The following SOX6 variants were observed in gnomAD, a reference collection of about 807,000 sequenced individuals.
SOX6 encodes SRY-box transcription factor 6, also known as transcription factor SOX-6.
Under a neutral mutation model 97.8 loss-of-function variants are expected in SOX6, and 11 were observed. That is an observed-to-expected ratio of 0.11 (90% CI 0.07 to 0.19). The LOEUF is 0.19. Among genes scored for constraint, SOX6 ranks in the 10% least tolerant of loss-of-function variants. The pLI is 1.00. For synonymous variants in SOX6, 360 were observed against 371.4 expected (o/e 0.97, Z 0.35); for missense variants, 810 against 1,039.5 (o/e 0.78, Z 3.04).
intron 14 of SOX6, among the ~76,000 whole-genome samples, chr11:15,987,941 T>C (rs1853919936): frequency 6.6e-6 from 1 of 152,194 alleles, no homozygotes; most frequent in African/African-American, 2.4e-5. Flanking sequence ...AAATTTTTCT[T>C]AGAGGTCACT....
chr11:16,641,562 A>G (rs11601816), intron 3 of SOX6, among the ~76,000 whole-genome samples: 47,345 of 151,344 alleles, frequency 0.31, 8,740 homozygotes, highest in Non-Finnish European at 0.42. Context: ...TAGGTCTCTA[A>G]GGACTTGCTT....
chr11:16,451,332 T>G (rs1859712466), intron 1 of SOX6, among the ~76,000 whole-genome samples: 1 of 152,114 alleles, frequency 6.6e-6, no homozygotes, highest in African/African-American at 2.4e-5. Flanking sequence ...GGATCAAGAC[T>G]CATGAAGTCA....
chr11:16,601,885 G>A (rs1205224069), intron 4 of SOX6, among the ~76,000 whole-genome samples: 1 of 152,230 alleles, frequency 6.6e-6, no homozygotes, highest in East Asian at 1.9e-4. Context: ...AGATTTGCCA[G>A]TTAGGTTAAC....
At chr11:16,022,143 C>T (rs1855077163) in intron 12 of SOX6, among the ~76,000 whole-genome samples, 1 of 151,936 alleles carries the variant, frequency 6.6e-6, no homozygotes, top group South Asian at 2.1e-4. Flanking sequence ...GAGTGCTTTG[C>T]AAAAAATACA....
chr11:16,634,820 AC>A (rs34078646), intron 3 of SOX6, among the ~76,000 whole-genome samples: 25,207 of 152,076 alleles, frequency 0.17, 2,734 homozygotes, highest in East Asian at 0.32. Context: ...CGTGGGAGGG[AC>A]CCAGTGAGGG....
chr11:16,542,430 T>G (rs1328224624), intron 4 of SOX6, among the ~76,000 whole-genome samples: 1 of 152,150 alleles, frequency 6.6e-6, no homozygotes, highest in Non-Finnish European at 1.5e-5. Context: ...AACCTGCACG[T>G]TATGCAGATG....
intron 1 of SOX6, among the ~76,000 whole-genome samples, chr11:16,461,919 T>G (rs1292573225): frequency 1.3e-5 from 2 of 152,302 alleles, no homozygotes; most frequent in Non-Finnish European, 1.5e-5. Flanking sequence ...AATAATTATG[T>G]CTAGACTCTA....
At chr11:16,287,298 T>TCA (rs371413164) in intron 3 of SOX6, among the ~76,000 whole-genome samples, 48 of 123,518 alleles carry the variant, frequency 3.9e-4, no homozygotes, top group African/African-American at 1.4e-3. Context: ...TCTCTCTCTC[T>TCA]CACACACACA....
chr11:16,402,402 T>G (rs1293790675), intron 1 of SOX6, among the ~76,000 whole-genome samples: 1 of 151,644 alleles, frequency 6.6e-6, no homozygotes, highest in African/African-American at 2.4e-5. Flanking sequence ...AGAACACCAA[T>G]AACGTGAGAA....
chr11:16,639,633 C>G (rs1848860065), intron 3 of SOX6, among the ~76,000 whole-genome samples: 1 of 152,100 alleles, frequency 6.6e-6, no homozygotes, highest in Non-Finnish European at 1.5e-5. Flanking sequence ...TCCTTCACAT[C>G]CGTTTTAAGT....
intron 2 of SOX6, among the ~76,000 whole-genome samples, chr11:16,337,372 A>T (rs1275367264): frequency 6.6e-6 from 1 of 152,150 alleles, no homozygotes; most frequent in Non-Finnish European, 1.5e-5. Context: ...AATCTAGCAG[A>T]TAATTATTAC....
intron 4 of SOX6, among the ~76,000 whole-genome samples, chr11:16,511,867 T>A (rs1385236761): frequency 6.6e-6 from 1 of 152,120 alleles, no homozygotes; most frequent in Non-Finnish European, 1.5e-5. Flanking sequence ...GTTCCACACA[T>A]TAAAAACAAA....
At chr11:16,422,760 T>C (rs1466186496) in intron 1 of SOX6, among the ~76,000 whole-genome samples, 2 of 152,140 alleles carry the variant, frequency 1.3e-5, no homozygotes, top group Non-Finnish European at 2.9e-5. Context: ...AGGAAAAATT[T>C]TGCCAACTCA....
chr11:16,403,708 G>A (rs1173028294), intron 1 of SOX6, among the ~76,000 whole-genome samples: 1 of 151,668 alleles, frequency 6.6e-6, no homozygotes, highest in Non-Finnish European at 1.5e-5. Context: ...ACTGGATAAA[G>A]CTCATTAATC....
intron 3 of SOX6, among the ~76,000 whole-genome samples, chr11:16,637,646 T>C (rs938752824): frequency 1.1e-4 from 16 of 152,296 alleles, no homozygotes; most frequent in Middle Eastern, 3.4e-3. Flanking sequence ...CAGAATGCAA[T>C]AGACAATGGA....
intron 1 of SOX6, among the ~76,000 whole-genome samples, chr11:16,736,789 A>C (rs1848394498): frequency 6.6e-6 from 1 of 152,326 alleles, no homozygotes; most frequent in East Asian, 1.9e-4. Context: ...AAATATTTTA[A>C]TTCTAGCAAA....
At chr11:16,005,117 T>C (rs7942659) in intron 13 of SOX6, among the ~76,000 whole-genome samples, 13,886 of 151,984 alleles carry the variant, frequency 0.091, 1,301 homozygotes, top group East Asian at 0.36. Flanking sequence ...GTGTTCCCTT[T>C]ATAGACTTTC....
intron 6 of SOX6, among the ~76,000 whole-genome samples, chr11:16,173,608 GTT>G: frequency 9.2e-6 from 1 of 108,874 alleles, no homozygotes; most frequent in South Asian, 3.6e-4. Flanking sequence ...CTAGAAAAGT[GTT>G]TGTTTTTTTT....
At chr11:16,501,478 A>G (rs1466176269) in intron 4 of SOX6, among the ~76,000 whole-genome samples, 1 of 152,188 alleles carries the variant, frequency 6.6e-6, no homozygotes, top group Non-Finnish European at 1.5e-5. Flanking sequence ...ATTAAACTAA[A>G]GAGCTTCTGC....
Sources: gnomAD v4.1 joint callset for allele counts (sites outside exome capture counted in the v4.1 genomes callset) on GRCh38, gnomAD v4.1.1 for gene constraint, MANE v1.5 for transcripts, NCBI Gene and HGNC (gene_info 2026-07-23, HGNC 2026-07-21) for gene names.